The following ARHGAP26 variants were observed in gnomAD, a reference collection of about 807,000 sequenced individuals.
ARHGAP26 encodes the protein rho GTPase-activating protein 26.
In ARHGAP26, 38 loss-of-function variants were observed where a neutral mutation model predicts 104.8. The ratio of observed to expected loss-of-function variants is 0.36; its 90% CI spans 0.28 to 0.48. ARHGAP26 has a LOEUF of 0.48. Ranked by LOEUF, ARHGAP26 falls within the 20% of genes least tolerant of loss-of-function variation. The pLI is 0.99. For missense variants in ARHGAP26, 704 were observed against 947.9 expected (o/e 0.74, Z 3.38); for synonymous variants, 341 against 340.0 (o/e 1.00, Z -0.03).
intron 11 of ARHGAP26, among the ~76,000 whole-genome samples, chr5:142,972,903 G>T (rs1424234658): frequency 1.3e-5 from 2 of 150,430 alleles, no homozygotes; most frequent in African/African-American, 4.9e-5. Flanking sequence ...TTGAGATCAT[G>T]CAATATTGTT....
Position 143,218,770 on chromosome 5 carries a change from G to A in ARHGAP26, c.2192-3588G>A, listed in dbSNP as rs546198489. Reference sequence around the variant, plus strand: ...GTGCAGTTCAGTGTTGCACATTGGCGCCATTCAGCCCAACAAGCACTTAGC... The same window carrying A: ...GTGCAGTTCAGTGTTGCACATTGGCACCATTCAGCCCAACAAGCACTTAGC... On this transcript the variant is annotated intron_variant, in intron 22 of 22. Transcript: ENST00000645722. 2.0e-4 allele frequency among the ~76,000 whole-genome samples: 30 copies of A among 152,296 alleles called. No homozygotes were observed. The South Asian group carries it at 5.0e-3, about 25-fold the overall frequency.
intron 11 of ARHGAP26, among the ~76,000 whole-genome samples, chr5:142,956,127 C>T (rs1263163854): frequency 2.0e-5 from 3 of 152,192 alleles, no homozygotes; most frequent in Non-Finnish European, 4.4e-5. Context: ...TTTTCATTAT[C>T]TGAGTCCCTG....
At chr5:143,207,524 A>AG (rs35908298) in intron 21 of ARHGAP26, 6 of 1,596,204 alleles carry the variant, frequency 3.8e-6, no homozygotes, top group Non-Finnish European at 5.1e-6. Context: ...AAAGCTGGCC[A>AG]GGGACAACAG....
intron 15 of ARHGAP26, among the ~76,000 whole-genome samples, chr5:143,055,091 G>T (rs181300736): frequency 2.0e-3 from 307 of 152,222 alleles, no homozygotes; most frequent in Middle Eastern, 3.4e-3. Context: ...TTAAAGGTTG[G>T]GTTATTGACC....
In ARHGAP26 at chr5:142,842,466, C is replaced by T. The variant is rs564045271; in HGVS notation, c.155-30934C>T. 1.4e-3 allele frequency among the ~76,000 whole-genome samples: 210 copies of T among 152,320 alleles called. 2 individuals carry two copies. The highest frequency in any genetic ancestry group is 4.9e-3 in the African/African-American group (205 of 41,566). On this transcript the variant is annotated intron_variant, in intron 1 of 22. Transcript: ENST00000645722. ...TTGTGTGCTTCTAAGCATAGCAGAA[C>T]CTCTGGTTAGTGCAGTTTATTCTTA...
chr5:142,820,110 A>G (rs1346511892), intron 1 of ARHGAP26, among the ~76,000 whole-genome samples: 1 of 152,226 alleles, frequency 6.6e-6, no homozygotes, highest in East Asian at 1.9e-4. Flanking sequence ...ATTTTGATGT[A>G]GCAGTGGAAA....
chr5:143,011,581 G>A (rs1328143746), intron 11 of ARHGAP26, among the ~76,000 whole-genome samples: 1 of 152,084 alleles, frequency 6.6e-6, no homozygotes, highest in Non-Finnish European at 1.5e-5. Context: ...TTTCAAAGCC[G>A]CTATGCCCTT....
intron 11 of ARHGAP26, among the ~76,000 whole-genome samples, chr5:142,957,169 G>T (rs966628860): frequency 6.6e-6 from 1 of 152,122 alleles, no homozygotes; most frequent in African/African-American, 2.4e-5. Context: ...GAATGAGGAT[G>T]GATTTGGGGA....
At chr5:142,799,196 T>C (rs1305965477) in intron 1 of ARHGAP26, among the ~76,000 whole-genome samples, 1 of 152,150 alleles carries the variant, frequency 6.6e-6, no homozygotes, top group Non-Finnish European at 1.5e-5. Context: ...GGTGGGTTTT[T>C]TTTTTGGAGG....
At chr5:143,210,106 A>G (rs1809210592) in intron 21 of ARHGAP26, among the ~76,000 whole-genome samples, 1 of 152,318 alleles carries the variant, frequency 6.6e-6, no homozygotes, top group Non-Finnish European at 1.5e-5. Context: ...TGTCTGAATT[A>G]GTCTGTTTTC....
At chr5:143,150,559 C>T (rs543003756) in intron 20 of ARHGAP26, among the ~76,000 whole-genome samples, 65 of 152,140 alleles carry the variant, frequency 4.3e-4, no homozygotes, top group African/African-American at 1.4e-3. Context: ...CAGAGATTAT[C>T]CAGGATGGAT....
At chr5:143,012,738 C>T (rs1226515785) in intron 11 of ARHGAP26, among the ~76,000 whole-genome samples, 3 of 149,318 alleles carry the variant, frequency 2.0e-5, no homozygotes, top group African/African-American at 4.9e-5. Context: ...ACTGCAAGCT[C>T]GACCTCCTGG....
At chr5:143,213,881 C>T (rs1484405821) in intron 21 of ARHGAP26, 116 bp from the exon 22 acceptor site, 1 of 564,720 alleles carries the variant, frequency 1.8e-6, no homozygotes, top group Non-Finnish European at 3.0e-6. Context: ...TTGCCAGGCA[C>T]TTCCCACGAG....
intron 19 of ARHGAP26, among the ~76,000 whole-genome samples, chr5:143,137,057 C>A (rs1379604930): frequency 3.9e-5 from 6 of 152,124 alleles, no homozygotes; most frequent in African/African-American, 1.2e-4. Flanking sequence ...TTTAAGTTAA[C>A]CTTAAAGCAA....
intron 17 of ARHGAP26, among the ~76,000 whole-genome samples, chr5:143,058,853 C>T (rs577260573): frequency 5.9e-5 from 9 of 152,310 alleles, no homozygotes; most frequent in South Asian, 4.1e-4. Context: ...GGAAGGAATT[C>T]GGCAAAGCCA....
chr5:143,048,954 T>C (rs1438891434), intron 14 of ARHGAP26, among the ~76,000 whole-genome samples: 1 of 149,874 alleles, frequency 6.7e-6, no homozygotes, highest in African/African-American at 2.5e-5. Context: ...CAATCTAGAA[T>C]GACAAAAACC....
At chr5:142,777,843 G>A (rs910989864) in intron 1 of ARHGAP26, among the ~76,000 whole-genome samples, 5 of 152,148 alleles carry the variant, frequency 3.3e-5, no homozygotes, top group African/African-American at 1.2e-4. Flanking sequence ...AAGGTCATAG[G>A]GATCTTGAAT....
rs376149846 is a variant in ARHGAP26, at chr5:143,207,177, T to G, written c.1989-21T>G. 49 of 1,608,276 alleles carry G rather than the reference T, an allele frequency of 3.0e-5. No homozygotes were observed. The African/African-American group carries it at 6.0e-4, about 20-fold the overall frequency. Reference sequence around the variant, plus strand: ...GGTTTCCCTGTGTGCTGACAAGTTTTCTGGTTGTTATGTCTTGCAGCCCCC... The same window carrying G: ...GGTTTCCCTGTGTGCTGACAAGTTTGCTGGTTGTTATGTCTTGCAGCCCCC... On this transcript the variant is annotated intron_variant, in intron 20 of 22. Transcript: ENST00000645722.
At chr5:142,808,236 GAAAAAAAAAAAAAAAAAAAAAAAAAA>G (rs58550799) in intron 1 of ARHGAP26, among the ~76,000 whole-genome samples, 1 of 32,672 alleles carries the variant, frequency 3.1e-5, no homozygotes, top group African/African-American at 8.4e-5. Flanking sequence ...CATTGTCTCG[GAAAAAAAAAAAAAAAAAAAAAAAAAA>G]AAAAAAAAAA....
Sources: gnomAD v4.1 joint callset for allele counts (sites outside exome capture counted in the v4.1 genomes callset) on GRCh38, gnomAD v4.1.1 for gene constraint, MANE v1.5 for transcripts, NCBI Gene and HGNC (gene_info 2026-07-23, HGNC 2026-07-21) for gene names.